The following STK24 variants were observed in gnomAD, a reference collection of about 807,000 sequenced individuals.
STK24 encodes the protein serine/threonine-protein kinase 24.
In STK24, 21 loss-of-function variants were observed where a neutral mutation model predicts 55.6. The observed-to-expected ratio is 0.38, with a 90% CI of 0.27 to 0.54. The LOEUF (loss-of-function observed/expected upper bound fraction) is 0.54. Among genes scored for constraint, STK24 ranks in the 20% least tolerant of loss-of-function variants. The pLI is 0.79. For synonymous variants in STK24, 200 were observed against 215.2 expected (o/e 0.93, Z 0.62); for missense variants, 383 against 538.4 (o/e 0.71, Z 2.86).
intron 2 of STK24, among the ~76,000 whole-genome samples, chr13:98,513,346 G>T (rs539400213): frequency 1.3e-5 from 2 of 152,288 alleles, no homozygotes; most frequent in South Asian, 2.1e-4. Context: ...TTCATTCCAC[G>T]CAGCAGTTTT....
At chr13:98,554,636 G>C (rs566618507) in intron 1 of STK24, among the ~76,000 whole-genome samples, 14 of 152,304 alleles carry the variant, frequency 9.2e-5, no homozygotes, top group Non-Finnish European at 1.6e-4. Flanking sequence ...ACCAGCCTGA[G>C]CAAGGTAAGA....
Position 98,448,968 on chromosome 13 carries a change from G to A in STK24, c.*4205C>T, listed in dbSNP as rs1380420588. On this transcript the variant is annotated 3_prime_UTR_variant, in exon 11 of 11. Transcript: ENST00000539966. Reference sequence around the variant, plus strand: ...CTTCTTGGTGCAAGTTGACCAAATCGTTTTAAGTGGTAACTCTTTCCAACC... The same window carrying A: ...CTTCTTGGTGCAAGTTGACCAAATCATTTTAAGTGGTAACTCTTTCCAACC... The A allele has an allele frequency of 1.1e-4, 16 of 152,196 alleles. No homozygotes were observed. The highest frequency in any genetic ancestry group is 2.9e-5 in the Non-Finnish European group (2 of 68,068). 9.4% of individuals were successfully genotyped at this position (152,196 alleles called of 1,614,324 possible). A position where few individuals can be genotyped will look rare whatever the true frequency, so the allele number is the denominator to read the frequency against.
At chr13:98,469,770 A>C (rs1465129715) in intron 5 of STK24, among the ~76,000 whole-genome samples, 1 of 152,150 alleles carries the variant, frequency 6.6e-6, no homozygotes, top group Admixed American at 6.5e-5. Context: ...GGGGGCTCCC[A>C]AGTGGTCTTC....
At chr13:98,485,541 G>A (rs559090172) in intron 2 of STK24, among the ~76,000 whole-genome samples, 63 of 152,318 alleles carry the variant, frequency 4.1e-4, no homozygotes, top group African/African-American at 1.3e-3. Context: ...TGACTCCTAA[G>A]CCATAATTTC....
chr13:98,508,080 C>G (rs9513435), intron 2 of STK24, among the ~76,000 whole-genome samples: 88,977 of 152,100 alleles, frequency 0.58, 26,303 homozygotes, highest in Non-Finnish European at 0.62. Context: ...ATGACGGTCC[C>G]AGCTACCCAG....
chr13:98,540,078 A>G (rs1224092970), intron 1 of STK24, among the ~76,000 whole-genome samples: 6 of 152,242 alleles, frequency 3.9e-5, no homozygotes, highest in Non-Finnish European at 5.9e-5. Context: ...TGCGAGCCCC[A>G]AGAACGTCAT....
At chr13:98,576,644 AC>A in intron 1 of STK24, 100 bp downstream of exon 1, 3 of 1,055,070 alleles carry the variant, frequency 2.8e-6, no homozygotes, top group South Asian at 1.6e-5. Flanking sequence ...CTCCGGCGCG[AC>A]CCCGGCCGGC....
Position 98,474,988 on chromosome 13 carries a change from A to T in STK24, c.440-10T>A, listed in dbSNP as rs780308382. ...AGCAGGACGTTGGCCGCTGCAAAAG[A>T]AAGCCAAGGCGGCCCTGGGCGGTGC... On this transcript the variant is annotated splice_polypyrimidine_tract_variant and intron_variant, in intron 4 of 10. Coordinates refer to ENST00000539966, the MANE Select transcript of STK24 (RefSeq NM_001032296.4). 4 of 1,606,522 alleles carry T rather than the reference A, an allele frequency of 2.5e-6. No individual in the cohort carries two copies. The highest frequency in any genetic ancestry group is 3.4e-6 in the Non-Finnish European group (4 of 1,176,474).
intron 5 of STK24, among the ~76,000 whole-genome samples, chr13:98,468,817 C>T (rs1041220006): frequency 1.3e-5 from 2 of 152,234 alleles, no homozygotes; most frequent in Admixed American, 6.5e-5. Context: ...ACCTCAAACA[C>T]GGCTCATTCC....
chr13:98,543,602 CAG>C (rs1036006131), intron 1 of STK24, among the ~76,000 whole-genome samples: 8 of 152,046 alleles, frequency 5.3e-5, no homozygotes, highest in Admixed American at 2.0e-4. Flanking sequence ...TGCAGAGAGA[CAG>C]AGAATACAGA....
In STK24 at chr13:98,453,173, T is replaced by TCA. The variant is rs1477443832; in HGVS notation, c.1294_1295dup (p.Ter432CysfsTer23). 1 of 1,613,592 alleles carries TCA rather than the reference T, an allele frequency of 6.2e-7. No individual in the cohort carries two copies. The highest frequency in any genetic ancestry group is 1.3e-5 in the African/African-American group (1 of 74,908). On this transcript the variant is annotated frameshift_variant and stop_lost, in exon 11 of 11. Coordinates refer to ENST00000539966, the MANE Select transcript of STK24 (RefSeq NM_001032296.4). LOFTEE classifies it high-confidence loss of function. ...CAAAACCCCAAATGCCAAAGGAATT[T>TCA]CAGTGGGATGAAGTTCCTCCACCAC...
chr13:98,487,811 G>A (rs1387968001), intron 2 of STK24, among the ~76,000 whole-genome samples: 2 of 152,024 alleles, frequency 1.3e-5, no homozygotes, highest in African/African-American at 4.8e-5. Flanking sequence ...GTTTTGCTGG[G>A]TCCTGGAAGC....
chr13:98,495,119 G>C (rs1566368198), intron 2 of STK24, among the ~76,000 whole-genome samples: 1 of 152,202 alleles, frequency 6.6e-6, no homozygotes, highest in Admixed American at 6.5e-5. Flanking sequence ...TTCAAGAAAG[G>C]GGCCTGGTTC....
rs1164529253 is a variant in STK24 at position 98,519,444 on chromosome 13, A to G, written c.72T>C (p.Phe24=). The G allele has an allele frequency of 1.2e-6, 2 of 1,614,222 alleles. No individual in the cohort carries two copies. Among genetic ancestry groups the G allele is most frequent in the Non-Finnish European group, 1.7e-6 (2 of 1,180,048 alleles). Residue 24 remains phenylalanine, a synonymous_variant, in exon 2 of 11, where the codon TTT becomes TTC. Transcript: ENST00000539966. ...QNLKADPEEL[F]TKLEKIGKGS... Reference sequence around the variant, plus strand: ...CCTTCCCAATTTTCTCTAGTTTTGTAAAAAGCTCTTCTGGGTCTGCCTTTA... The same window carrying G: ...CCTTCCCAATTTTCTCTAGTTTTGTGAAAAGCTCTTCTGGGTCTGCCTTTA...
chr13:98,483,833 G>C (rs1370858424), intron 2 of STK24, among the ~76,000 whole-genome samples: 1 of 152,196 alleles, frequency 6.6e-6, no homozygotes, highest in East Asian at 1.9e-4. Flanking sequence ...AAGATGCACT[G>C]CATTTATAAA....
intron 1 of STK24, among the ~76,000 whole-genome samples, chr13:98,563,674 T>C (rs1050034499): frequency 1.4e-4 from 22 of 151,818 alleles, no homozygotes; most frequent in Non-Finnish European, 2.8e-4. Flanking sequence ...CTGGCTAACA[T>C]GGTGAAACCC....
At chr13:98,469,315 G>A (rs1166381940) in intron 5 of STK24, among the ~76,000 whole-genome samples, 18 of 152,288 alleles carry the variant, frequency 1.2e-4, no homozygotes, top group African/African-American at 1.7e-4. Context: ...TTGGGAGGCC[G>A]ACGCAGGCAG....
chr13:98,468,993 G>A (rs918671120), intron 5 of STK24, among the ~76,000 whole-genome samples: 2 of 152,246 alleles, frequency 1.3e-5, no homozygotes, highest in African/African-American at 4.8e-5. Context: ...TGGCAGGCAG[G>A]CCCTGGCAGA....
At chr13:98,562,917 T>TG (rs1897464836) in intron 1 of STK24, among the ~76,000 whole-genome samples, 1 of 109,146 alleles carries the variant, frequency 9.2e-6, no homozygotes, top group Non-Finnish European at 1.9e-5. Context: ...CTCCCTCTCT[T>TG]AAAAAAAAAA....
Sources: allele counts gnomAD v4.1 joint callset (sites outside exome capture counted in the v4.1 genomes callset), GRCh38; gene constraint gnomAD v4.1.1; transcripts MANE v1.5; gene names NCBI Gene and HGNC (gene_info 2026-07-23, HGNC 2026-07-21).